The following ANKRD6 variants were observed in gnomAD, a reference collection of about 807,000 sequenced individuals.
ANKRD6 encodes the protein ankyrin repeat domain 6, also known as ankyrin repeat domain-containing protein 6.
In ANKRD6, 56 loss-of-function variants were observed where a neutral mutation model predicts 82.3. That is an observed-to-expected ratio of 0.68 (90% CI 0.55 to 0.85). The LOEUF (loss-of-function observed/expected upper bound fraction) is 0.85, where lower values mean the gene tolerates loss of function less well. Ranked by LOEUF, ANKRD6 falls within the 40% of genes least tolerant of loss-of-function variation. ANKRD6 has a pLI of 0.00. For missense variants in ANKRD6, 852 were observed against 907.6 expected (o/e 0.94, Z 0.79); for synonymous variants, 347 against 352.1 (o/e 0.99, Z 0.16).
At chr6:89,517,998 T>C (rs1781427856) in intron 1 of ANKRD6, among the ~76,000 whole-genome samples, 1 of 152,236 alleles carries the variant, frequency 6.6e-6, no homozygotes, top group African/African-American at 2.4e-5. Context: ...CTCCCTTACC[T>C]TGTAGCAGGT....
intron 1 of ANKRD6, among the ~76,000 whole-genome samples, chr6:89,529,019 A>G (rs9444693): frequency 0.33 from 50,245 of 152,014 alleles, 8,548 homozygotes; most frequent in African/African-American, 0.36. Context: ...ATAATTTGAA[A>G]GGGCCCTGGG....
chr6:89,539,725 A>G (rs1264255552), intron 1 of ANKRD6, among the ~76,000 whole-genome samples: 1 of 151,312 alleles, frequency 6.6e-6, no homozygotes, highest in Non-Finnish European at 1.5e-5. Context: ...TGTGCTATCA[A>G]ATAGTAGGTC....
intron 1 of ANKRD6, among the ~76,000 whole-genome samples, chr6:89,453,154 G>C (rs987322710): frequency 6.6e-6 from 1 of 152,178 alleles, no homozygotes; most frequent in Non-Finnish European, 1.5e-5. Flanking sequence ...ACTACAGGCG[G>C]TTCTTGCTTT....
intron 1 of ANKRD6, among the ~76,000 whole-genome samples, chr6:89,448,886 C>T (rs1053020661): frequency 2.0e-5 from 3 of 151,524 alleles, no homozygotes; most frequent in Non-Finnish European, 4.4e-5. Context: ...AAAAATTAGC[C>T]GGGCGTGTTG....
In ANKRD6 at chr6:89,606,064, C is replaced by G; in HGVS notation, c.376C>G (p.Leu126Val). 6.3e-7 allele frequency: 1 copy of G among 1,594,286 alleles called. No individual in the cohort carries two copies. The highest frequency in any genetic ancestry group is 8.5e-7 in the Non-Finnish European group (1 of 1,170,120). ...GCATGGTTTCAGCCAGTCAGCCAAG[C>G]TGCTCATTAAAGCAGGAGCCAACGT... ...SWHGFSQSAKLLIKAGANVLA... is the reference protein window; with the variant it reads ...SWHGFSQSAKVLIKAGANVLA... Residue 126 changes from leucine (L) to valine (V), a missense_variant, in exon 5 of 16, where the codon CTG becomes GTG. By Grantham distance (32) the Leu-to-Val change is conservative. Transcript: ENST00000339746.
At chr6:89,561,276 G>A (rs1011785336) in intron 1 of ANKRD6, 2 of 152,216 alleles carry the variant, frequency 1.3e-5, no homozygotes, top group Non-Finnish European at 2.9e-5. Context: ...GTTAGAAGAA[G>A]AGAGTTTTTG....
chr6:89,615,481 T>C (rs962147551), intron 7 of ANKRD6, among the ~76,000 whole-genome samples: 7 of 152,156 alleles, frequency 4.6e-5, no homozygotes, highest in Non-Finnish European at 1.0e-4. Context: ...ACTTGAGAGC[T>C]TTAAAAAGTC....
At chr6:89,459,008 C>T (rs574818181) in intron 1 of ANKRD6, among the ~76,000 whole-genome samples, 20 of 152,152 alleles carry the variant, frequency 1.3e-4, no homozygotes, top group Non-Finnish European at 2.5e-4. Context: ...GTGTGCACAC[C>T]TGTGGTATAG....
At chr6:89,596,105 G>GT in intron 3 of ANKRD6, 91 bp downstream of exon 3, 1 of 1,093,298 alleles carries the variant, frequency 9.1e-7, no homozygotes, top group Non-Finnish European at 1.4e-6. Flanking sequence ...AGATGGGAGG[G>GT]TAGTAGATGC....
At chr6:89,538,218 C>A (rs1784080689) in intron 1 of ANKRD6, among the ~76,000 whole-genome samples, 1 of 152,292 alleles carries the variant, frequency 6.6e-6, no homozygotes, top group Non-Finnish European at 1.5e-5. Flanking sequence ...TACGTTTCTT[C>A]TCCATCTCAT....
chr6:89,539,718 G>T (rs1268984746), intron 1 of ANKRD6, among the ~76,000 whole-genome samples: 1 of 151,102 alleles, frequency 6.6e-6, no homozygotes, highest in Admixed American at 6.6e-5. Flanking sequence ...ACTCTGCTGT[G>T]CTATCAAATA....
At chr6:89,544,886 T>C (rs1784883830) in intron 1 of ANKRD6, among the ~76,000 whole-genome samples, 1 of 152,032 alleles carries the variant, frequency 6.6e-6, no homozygotes, top group Non-Finnish European at 1.5e-5. Flanking sequence ...ACAGGATTTC[T>C]AGGCAAGAAG....
intron 1 of ANKRD6, among the ~76,000 whole-genome samples, chr6:89,505,446 A>C (rs1267805290): frequency 1.3e-5 from 2 of 152,218 alleles, no homozygotes; most frequent in Non-Finnish European, 2.9e-5. Context: ...CTGGGCCCTC[A>C]GAGCAACTCC....
At chr6:89,467,950 T>C (rs1297637760) in intron 1 of ANKRD6, among the ~76,000 whole-genome samples, 4 of 152,222 alleles carry the variant, frequency 2.6e-5, no homozygotes. Flanking sequence ...ACTTTTGGAA[T>C]TTAAAACAGC....
chr6:89,549,927 G>GA (rs1259272356), intron 1 of ANKRD6, among the ~76,000 whole-genome samples: 177 of 147,626 alleles, frequency 1.2e-3, no homozygotes, highest in Middle Eastern at 3.5e-3. Flanking sequence ...AAAAAGAAAA[G>GA]AAAAAAAAAG....
rs190132244 is a variant in ANKRD6 at position 89,602,392 on chromosome 6, A to G, written c.220-637A>G. Reference sequence around the variant, plus strand: ...CCGGCAATCCCAGGAATCCGATCATAGAGAAGAGGGCTCAGAGTGCAGCAT... The same window carrying G: ...CCGGCAATCCCAGGAATCCGATCATGGAGAAGAGGGCTCAGAGTGCAGCAT... On this transcript the variant is annotated intron_variant, in intron 3 of 15. Coordinates refer to ENST00000339746, the MANE Select transcript of ANKRD6 (RefSeq NM_001242809.2). 2.0e-5 allele frequency: 3 copies of G among 152,368 alleles called. No individual in the cohort carries two copies. The East Asian group carries it at 5.8e-4, about 29-fold the overall frequency. The allele number at this position is 152,368 out of a possible 1,614,324, so 9.4% of individuals were successfully genotyped here. A position where few individuals can be genotyped will look rare whatever the true frequency, so the allele number is the denominator to read the frequency against.
intron 1 of ANKRD6, among the ~76,000 whole-genome samples, chr6:89,551,834 GTTTAT>G (rs1288936020): frequency 1.3e-5 from 2 of 152,190 alleles, no homozygotes; most frequent in African/African-American, 4.8e-5. Flanking sequence ...TGAGAGAGAT[GTTTAT>G]TTTAAGACTG....
chr6:89,600,232 G>C (rs1477589170), intron 3 of ANKRD6, among the ~76,000 whole-genome samples: 1 of 152,218 alleles, frequency 6.6e-6, no homozygotes, highest in African/African-American at 2.4e-5. Flanking sequence ...ATGAAAGCAA[G>C]TAATAAATAA....
intron 1 of ANKRD6, among the ~76,000 whole-genome samples, chr6:89,519,378 A>T (rs1048252958): frequency 1.3e-5 from 2 of 152,212 alleles, no homozygotes; most frequent in Non-Finnish European, 1.5e-5. Flanking sequence ...GTATAGATGG[A>T]TGGGAGAGAG....
Sources: gnomAD v4.1 joint callset for allele counts (sites outside exome capture counted in the v4.1 genomes callset) on GRCh38, gnomAD v4.1.1 for gene constraint, MANE v1.5 for transcripts, NCBI Gene and HGNC (gene_info 2026-07-23, HGNC 2026-07-21) for gene names.